PIKFYVE: variants seen among roughly 807,000 people sequenced by gnomAD.
PIKFYVE encodes 1-phosphatidylinositol 3-phosphate 5-kinase.
A neutral mutation model predicts 257.9 loss-of-function variants in PIKFYVE; 122 were observed. The observed-to-expected ratio is 0.47, with a 90% confidence interval of 0.41 to 0.55. The LOEUF (loss-of-function observed/expected upper bound fraction) is 0.55, where lower values mean the gene tolerates loss of function less well. PIKFYVE is among the 20% of genes least tolerant of loss of function. The pLI is 0.00. For synonymous variants in PIKFYVE, 892 were observed against 868.9 expected (o/e 1.03, Z -0.47); for missense variants, 2,160 against 2,536.6 (o/e 0.85, Z 3.19).
chr2:208,324,825 A>T, intron 18 of PIKFYVE, 86 bp from the exon 19 acceptor site: 1 of 1,478,318 alleles, frequency 6.8e-7, no homozygotes, highest in Admixed American at 1.8e-5. Context: ...GTTATTTTTT[A>T]ATTTTTCCAT....
At chr2:208,348,794 T>G (rs564559688) in intron 35 of PIKFYVE, among the ~76,000 whole-genome samples, 107 of 152,248 alleles carry the variant, frequency 7.0e-4, no homozygotes, top group African/African-American at 2.5e-3. Flanking sequence ...TAGTTGGAAC[T>G]TTTTCAGAGT....
intron 3 of PIKFYVE, among the ~76,000 whole-genome samples, chr2:208,274,607 C>T (rs949689728): frequency 2.0e-5 from 3 of 152,052 alleles, no homozygotes; most frequent in African/African-American, 4.8e-5. Flanking sequence ...AGTTTCTACC[C>T]GAGGACTGGC....
In PIKFYVE at chr2:208,325,563, C is replaced by G. The variant is rs1361519493; in HGVS notation, c.2752C>G (p.Pro918Ala). 1.9e-6 allele frequency: 3 copies of G among 1,613,980 alleles called. No homozygotes were observed. In the African/African-American group the frequency reaches 4.0e-5, roughly 22 times the overall value. ...GGSIPWDPDI[P>A]PESLPCDDSS... is the part of the protein sequence containing the mutation. ...TTCCATCCCCTGGGATCCTGACATC[C>G]CTCCTGAGTCTCTGCCCTGTGATGA... The change falls in exon 20 of 42, where the codon CCT (proline) becomes GCT (alanine). Residue 918 changes from proline to alanine, a missense_variant. This residue lies in a region of PIKFYVE where 522 missense variants were observed against 514.6 expected (regional missense o/e 1.01). Transcript: ENST00000264380.
In PIKFYVE at chr2:208,328,163, C is replaced by T; in HGVS notation, c.3619-17C>T. On this transcript the variant is annotated splice_polypyrimidine_tract_variant and intron_variant, in intron 20 of 41. Transcript: ENST00000264380. ...GGTTGCAGTCACTTGCTCATCCATT[C>T]ATTCCTTCTATTTCAGGTGGACTGT... The T allele has an allele frequency of 1.9e-6, 3 of 1,613,442 alleles. No individual in the cohort carries two copies. The highest frequency in any genetic ancestry group is 2.5e-6 in the Non-Finnish European group (3 of 1,179,670).
Position 208,355,329 on chromosome 2 carries a change from G to A in PIKFYVE, c.*24G>A. 1.3e-6 allele frequency: 2 copies of A among 1,569,960 alleles called. No homozygotes were observed. The highest frequency in any genetic ancestry group is 1.8e-6 in the Non-Finnish European group (2 of 1,140,176). The stretch of plus-strand genomic sequence containing the variant: ...GAAATCAAGCACATATTTTGAAATG[G>A]ACTGTGAAGGAAAAGGGGACAGGAA... On this transcript the variant is annotated 3_prime_UTR_variant, in exon 42 of 42. Transcript: ENST00000264380.
chr2:208,288,613 CAT>C (rs1300341372), intron 6 of PIKFYVE, 114 bp from the exon 7 acceptor site: 2 of 1,458,294 alleles, frequency 1.4e-6, no homozygotes, highest in African/African-American at 2.8e-5. Flanking sequence ...AAAAATGACA[CAT>C]AATCTCATTA....
chr2:208,325,395 G>A lies in PIKFYVE; in HGVS notation c.2584G>A (p.Val862Ile). ...VKEILIFMIC[V>I]AYHSQLEISF... ...GGAGATCCTAATATTTATGATCTGTGTTGCTTATCATTCTCAACTAGAAAT... is the reference window on the plus strand; with the variant it reads ...GGAGATCCTAATATTTATGATCTGTATTGCTTATCATTCTCAACTAGAAAT... The change falls in exon 20 of 42, where the codon GTT (valine) becomes ATT (isoleucine). Residue 862 changes from valine to isoleucine, a missense_variant. Transcript: ENST00000264380. The A allele has an allele frequency of 6.2e-7, 1 of 1,614,152 alleles. No individual in the cohort carries two copies. Among genetic ancestry groups the A allele is most frequent in the Non-Finnish European group, 8.5e-7 (1 of 1,180,008 alleles).
chr2:208,322,498 T>C (rs1364955706), intron 17 of PIKFYVE, among the ~76,000 whole-genome samples: 1 of 151,664 alleles, frequency 6.6e-6, no homozygotes, highest in African/African-American at 2.4e-5. Flanking sequence ...TCTTGGCTTT[T>C]AAATTAAGAA....
At chr2:208,315,074 C>T in intron 14 of PIKFYVE, 119 bp from the exon 15 acceptor site, 1 of 951,532 alleles carries the variant, frequency 1.1e-6, no homozygotes, top group Non-Finnish European at 1.6e-6. Flanking sequence ...CCTAGAAAAT[C>T]TTATCTGTGA....
At chr2:208,308,446 C>A (rs763026378) in intron 12 of PIKFYVE, among the ~76,000 whole-genome samples, 1 of 151,212 alleles carries the variant, frequency 6.6e-6, no homozygotes, top group Non-Finnish European at 1.5e-5. Context: ...GTGGTGAGAA[C>A]CTTTGAAATT....
chr2:208,321,832 G>A lies in PIKFYVE; in HGVS notation c.2190+1473G>A, dbSNP rs577197278. 1.8e-4 allele frequency among the ~76,000 whole-genome samples: 27 copies of A among 152,040 alleles called. No individual in the cohort carries two copies. The South Asian group carries it at 5.0e-3, about 28-fold the overall frequency. On this transcript the variant is annotated intron_variant, in intron 17 of 41. Coordinates refer to ENST00000264380, the MANE Select transcript of PIKFYVE (RefSeq NM_015040.4). ...AGATGTCAGGTGATCCGCCCGAGGC[G>A]TCCCAAAATGCTGGGATTACAGGCG...
At chr2:208,287,561 A>C (rs1198461260) in intron 6 of PIKFYVE, among the ~76,000 whole-genome samples, 2 of 151,612 alleles carry the variant, frequency 1.3e-5, no homozygotes, top group Non-Finnish European at 1.5e-5. Flanking sequence ...GGTGTGAGCC[A>C]CCGCGCCTGG....
intron 34 of PIKFYVE, among the ~76,000 whole-genome samples, chr2:208,346,855 A>G (rs975226987): frequency 3.3e-5 from 5 of 152,208 alleles, no homozygotes; most frequent in Non-Finnish European, 5.9e-5. Flanking sequence ...CCTCATGGTT[A>G]AAAGTGTTTC....
intron 6 of PIKFYVE, among the ~76,000 whole-genome samples, chr2:208,287,970 A>G (rs1691803789): frequency 6.6e-6 from 1 of 152,188 alleles, no homozygotes; most frequent in Admixed American, 6.5e-5. Context: ...TATTTTATAA[A>G]TTTTAAAAAT....
chr2:208,331,993 T>A (rs1399744538), intron 23 of PIKFYVE, among the ~76,000 whole-genome samples: 1 of 152,144 alleles, frequency 6.6e-6, no homozygotes, highest in Non-Finnish European at 1.5e-5. Context: ...ATATGCACTT[T>A]ATTTTGAAAC....
chr2:208,294,106 A>G (rs747782795), intron 7 of PIKFYVE, among the ~76,000 whole-genome samples: 1 of 151,976 alleles, frequency 6.6e-6, no homozygotes, highest in Admixed American at 6.6e-5. Flanking sequence ...TTGTTTGTTC[A>G]GTCTTTTTTC....
At position 208,304,916 on chromosome 2, in the gene PIKFYVE, T is replaced by C. The variant is rs1694141164; in HGVS notation, c.1539T>C (p.Ala513=). 1.2e-6 allele frequency: 2 copies of C among 1,614,156 alleles called. No homozygotes were observed. The highest frequency in any genetic ancestry group is 4.5e-5 in the East Asian group (2 of 44,872). The stretch of plus-strand genomic sequence containing the variant: ...CCACAGTGGACAGTGACTCAGCCGC[T>C]TCTATCAGCCTGAACGTGGAGCTGG... ...FQSTVDSDSA[A]SISLNVELDN... Residue 513 remains alanine, a synonymous_variant, in exon 12 of 42, where the codon GCT becomes GCC. Transcript: ENST00000264380.
intron 12 of PIKFYVE, among the ~76,000 whole-genome samples, chr2:208,310,421 C>T (rs1694817545): frequency 2.0e-5 from 3 of 152,104 alleles, no homozygotes; most frequent in Admixed American, 2.0e-4. Flanking sequence ...TGAGAAAACC[C>T]TATTTTCAGA....
intron 41 of PIKFYVE, 103 bp downstream of exon 41, chr2:208,354,748 G>T: frequency 1.1e-6 from 1 of 910,196 alleles, no homozygotes. Flanking sequence ...AAAATAAGTG[G>T]TTATCATTGA....
Sources: gnomAD v4.1 joint callset for allele counts (sites outside exome capture counted in the v4.1 genomes callset) on GRCh38, gnomAD v4.1.1 for gene constraint, gnomAD v4.1.1 regional missense constraint, MANE v1.5 for transcripts, NCBI Gene and HGNC (gene_info 2026-07-23, HGNC 2026-07-21) for gene names.